Variants in CNTNAP2 observed in about 807,000 individuals in gnomAD.
CNTNAP2 encodes contactin-associated protein-like 2.
A neutral mutation model predicts 155.2 loss-of-function variants in CNTNAP2; 98 were observed. The ratio of observed to expected loss-of-function variants is 0.63; its 90% CI spans 0.54 to 0.75. The LOEUF (loss-of-function observed/expected upper bound fraction) is 0.75, where lower values mean the gene tolerates loss of function less well. CNTNAP2 is among the 30% of genes least tolerant of loss of function. The pLI, the probability that CNTNAP2 is intolerant of heterozygous loss-of-function variation, is 0.00. For missense variants in CNTNAP2, 1,727 were observed against 1,688.1 expected, an observed-to-expected ratio of 1.02 and a Z score of -0.40; for synonymous variants, 651 against 631.2, an observed-to-expected ratio of 1.03 and a Z score of -0.47.
chr7:148,074,881 T>C (rs538352175), intron 15 of CNTNAP2, among the ~76,000 whole-genome samples: 1 of 152,332 alleles, frequency 6.6e-6, no homozygotes, highest in East Asian at 1.9e-4. Flanking sequence ...CATTCTTATT[T>C]TTATCAACAC....
chr7:148,010,925 A>T (rs1802070127), intron 15 of CNTNAP2, among the ~76,000 whole-genome samples: 1 of 152,086 alleles, frequency 6.6e-6, no homozygotes, highest in African/African-American at 2.4e-5. Context: ...TTTCTGATAG[A>T]GTTTAGTCTA....
At chr7:147,544,244 A>G (rs1162500834) in intron 11 of CNTNAP2, among the ~76,000 whole-genome samples, 3 of 152,150 alleles carry the variant, frequency 2.0e-5, no homozygotes, top group African/African-American at 7.2e-5. Context: ...GGCACATACA[A>G]ACTGCTCTTA....
chr7:147,477,822 A>C (rs1385123360), intron 10 of CNTNAP2, among the ~76,000 whole-genome samples: 1 of 152,344 alleles, frequency 6.6e-6, no homozygotes, highest in Non-Finnish European at 1.5e-5. Context: ...ATAAGAAACC[A>C]TAATCAAATG....
intron 11 of CNTNAP2, among the ~76,000 whole-genome samples, chr7:147,534,001 G>T (rs1799492727): frequency 6.6e-6 from 1 of 152,160 alleles, no homozygotes; most frequent in Non-Finnish European, 1.5e-5. Context: ...GCTATTCTGT[G>T]GTTTAAAGAG....
intron 3 of CNTNAP2, among the ~76,000 whole-genome samples, chr7:147,018,653 C>T (rs1026667777): frequency 1.3e-5 from 2 of 151,888 alleles, no homozygotes; most frequent in Non-Finnish European, 2.9e-5. Flanking sequence ...AACCCTTAAA[C>T]TTCTAAATTA....
chr7:147,839,631 C>A (rs573694555), intron 13 of CNTNAP2, among the ~76,000 whole-genome samples: 1 of 152,218 alleles, frequency 6.6e-6, no homozygotes, highest in South Asian at 2.1e-4. Context: ...TAACAGCATC[C>A]CTGGCCTCTG....
rs1284759806 is a variant in CNTNAP2 at position 147,276,896 on chromosome 7, C to T, written c.1349-23245C>T. Among the ~76,000 whole-genome samples the T allele has an allele frequency of 2.6e-5, 4 of 151,862 alleles. No homozygotes were observed. The East Asian group carries it at 7.7e-4, about 29-fold the overall frequency. ...GAATACAATGTGCAATGCAATTTAG[C>T]CCTGTAGGCTTTCTGGAAAGAACCC... is the stretch of plus-strand genomic sequence containing the variant. On this transcript the variant is annotated intron_variant, in intron 8 of 23. Coordinates refer to ENST00000361727, the MANE Select transcript of CNTNAP2 (RefSeq NM_014141.6).
At chr7:146,162,143 A>G (rs1356322427) in intron 1 of CNTNAP2, among the ~76,000 whole-genome samples, 1 of 152,220 alleles carries the variant, frequency 6.6e-6, no homozygotes, top group African/African-American at 2.4e-5. Flanking sequence ...AATGGCAACA[A>G]AAGACAAAAT....
chr7:147,528,271 A>T lies in CNTNAP2; in HGVS notation c.1778-33867A>T, dbSNP rs191949643. ...CATGAAGTTCTATTTCCTCATTCAC[A>T]GGGATCGTGGCATAAGGCAGACTGC... On this transcript the variant is annotated intron_variant, in intron 11 of 23. Transcript: ENST00000361727. Among the ~76,000 whole-genome samples the T allele has an allele frequency of 2.5e-3, 374 of 152,322 alleles. 2 individuals are homozygous for T. The highest frequency in any genetic ancestry group is 3.2e-3 in the Non-Finnish European group (218 of 68,034).
At chr7:148,036,054 T>C (rs1225066368) in intron 15 of CNTNAP2, among the ~76,000 whole-genome samples, 7 of 152,216 alleles carry the variant, frequency 4.6e-5, no homozygotes, top group Non-Finnish European at 1.0e-4. Context: ...AGTTCTAGGA[T>C]TATATTTTGG....
At chr7:147,487,606 G>A (rs1366424651) in intron 11 of CNTNAP2, among the ~76,000 whole-genome samples, 4 of 152,070 alleles carry the variant, frequency 2.6e-5, no homozygotes, top group African/African-American at 9.7e-5. Flanking sequence ...GTGGTTGCAA[G>A]GATTTTCTAT....
chr7:148,166,573 T>C (rs1276907217), intron 17 of CNTNAP2, among the ~76,000 whole-genome samples: 2 of 152,192 alleles, frequency 1.3e-5, no homozygotes, highest in African/African-American at 4.8e-5. Context: ...CAGTCTTCTG[T>C]GCATTTTACA....
intron 11 of CNTNAP2, among the ~76,000 whole-genome samples, chr7:147,528,339 C>G (rs1239510030): frequency 6.6e-6 from 1 of 152,178 alleles, no homozygotes; most frequent in African/African-American, 2.4e-5. Context: ...GTAACATTCT[C>G]TGTGCGAAGG....
At chr7:147,981,879 A>C (rs551888042) in intron 15 of CNTNAP2, among the ~76,000 whole-genome samples, 11 of 151,912 alleles carry the variant, frequency 7.2e-5, no homozygotes, top group African/African-American at 2.7e-4. Context: ...ACTTCAAATC[A>C]AATGACACTG....
chr7:148,263,629 A>T (rs796360394), intron 20 of CNTNAP2, among the ~76,000 whole-genome samples: 4 of 151,412 alleles, frequency 2.6e-5, no homozygotes, highest in South Asian at 2.1e-4. Flanking sequence ...CCCAGCTACT[A>T]GGGAGGCTGA....
chr7:147,838,803 C>T (rs1346179961), intron 13 of CNTNAP2, among the ~76,000 whole-genome samples: 1 of 152,178 alleles, frequency 6.6e-6, no homozygotes, highest in Non-Finnish European at 1.5e-5. Flanking sequence ...CCAAACTATT[C>T]CAACCTCTGC....
rs1462822003 is a variant in CNTNAP2 at position 147,775,346 on chromosome 7, T to TAA, written c.2099-128218_2099-128217insAA. 1.9e-4 allele frequency among the ~76,000 whole-genome samples: 7 copies of TAA among 37,424 alleles called. 1 individual carries two copies. The highest frequency in any genetic ancestry group is 3.0e-4 in the Non-Finnish European group (7 of 23,064). 24.6% of individuals were successfully genotyped at this position (37,424 alleles called of 152,430 possible). ...ATTTATATATATTTATAAATATATA[T>TAA]ATTTATATATATTTATAAATATATA... On this transcript the variant is annotated intron_variant, in intron 13 of 23. Coordinates refer to ENST00000361727, the MANE Select transcript of CNTNAP2 (RefSeq NM_014141.6).
At chr7:148,205,300 A>G (rs958662188) in intron 18 of CNTNAP2, among the ~76,000 whole-genome samples, 3 of 152,266 alleles carry the variant, frequency 2.0e-5, no homozygotes, top group South Asian at 2.1e-4. Context: ...GGCACAAATC[A>G]TGTAATTCAG....
At chr7:147,464,216 C>T (rs185101059) in intron 10 of CNTNAP2, among the ~76,000 whole-genome samples, 4 of 152,102 alleles carry the variant, frequency 2.6e-5, no homozygotes, top group Admixed American at 1.3e-4. Context: ...ACTTGTAATT[C>T]CAGCACTTTG....
Sources: gnomAD v4.1 joint callset for allele counts (sites outside exome capture counted in the v4.1 genomes callset) on GRCh38, gnomAD v4.1.1 for gene constraint, MANE v1.5 for transcripts, NCBI Gene and HGNC (gene_info 2026-07-23, HGNC 2026-07-21) for gene names.